The following PTPRT variants were observed in gnomAD, a reference collection of about 807,000 sequenced individuals.
The protein encoded by PTPRT is protein tyrosine phosphatase receptor type T.
Under a neutral mutation model 176.8 loss-of-function variants are expected in PTPRT, and 56 were observed. That is an observed-to-expected ratio of 0.32 (90% CI 0.26 to 0.40). The LOEUF (loss-of-function observed/expected upper bound fraction) is 0.40, where lower values mean the gene tolerates loss of function less well. PTPRT is among the 10% of genes least tolerant of loss of function. The probability of loss-of-function intolerance (pLI) is 1.00; values close to 1 mark genes in which losing one functional copy is unlikely to be tolerated. For synonymous variants in PTPRT, 783 were observed against 739.0 expected, an observed-to-expected ratio of 1.06 and a Z score of -0.96; for missense variants, 1,540 against 1,908.2, an observed-to-expected ratio of 0.81 and a Z score of 3.60.
chr20:42,418,142 G>A (rs919997778), intron 9 of PTPRT, among the ~76,000 whole-genome samples: 7 of 152,096 alleles, frequency 4.6e-5, no homozygotes, highest in African/African-American at 1.2e-4. Context: ...GAAAATGCAC[G>A]CTGTATTTCA....
In PTPRT at chr20:42,073,655, T is replaced by C. The variant is rs1982510275; in HGVS notation, c.*7224A>G. ...GCAGCTGTTCCCTATGGTTTGCTGTTTGGTGATAACCAGCCTGGATCAGCC... is the reference window on the plus strand; with the variant it reads ...GCAGCTGTTCCCTATGGTTTGCTGTCTGGTGATAACCAGCCTGGATCAGCC... On this transcript the variant is annotated 3_prime_UTR_variant, in exon 31 of 31. Transcript: ENST00000373187. The C allele has an allele frequency of 8.9e-6, 2 of 225,456 alleles. No homozygotes were observed. Among genetic ancestry groups the C allele is most frequent in the Admixed American group, 5.7e-5 (1 of 17,478 alleles). 14.0% of individuals were successfully genotyped at this position (225,456 alleles called of 1,614,324 possible). A position where few individuals can be genotyped will look rare whatever the true frequency, so the allele number is the denominator to read the frequency against.
chr20:42,105,937 G>A (rs1469836796), intron 24 of PTPRT, among the ~76,000 whole-genome samples: 1 of 152,188 alleles, frequency 6.6e-6, no homozygotes, highest in African/African-American at 2.4e-5. Context: ...AGATGGGCTC[G>A]TTACAGGAAT....
intron 7 of PTPRT, among the ~76,000 whole-genome samples, chr20:42,673,513 T>A (rs1418981623): frequency 1.3e-5 from 2 of 152,146 alleles, no homozygotes; most frequent in Admixed American, 1.3e-4. Context: ...GGGTAACTTA[T>A]AAACAACAGA....
At chr20:42,922,041 T>G (rs901726217) in intron 1 of PTPRT, among the ~76,000 whole-genome samples, 3 of 152,156 alleles carry the variant, frequency 2.0e-5, no homozygotes, top group African/African-American at 7.2e-5. Flanking sequence ...GTTCAAGCAA[T>G]TCTTCTGTCT....
chr20:42,832,271 ACAC>A (rs1209424727), intron 2 of PTPRT, among the ~76,000 whole-genome samples: 5 of 152,344 alleles, frequency 3.3e-5, no homozygotes, highest in African/African-American at 9.6e-5. Context: ...AGAAAACCAA[ACAC>A]CACATGTTCT....
At chr20:42,796,590 C>A (rs1290422072) in intron 2 of PTPRT, among the ~76,000 whole-genome samples, 4 of 152,268 alleles carry the variant, frequency 2.6e-5, no homozygotes, top group African/African-American at 9.6e-5. Context: ...CCGAGCTGTA[C>A]AGCCACAGAA....
chr20:42,673,900 T>C (rs1397494622), intron 7 of PTPRT, among the ~76,000 whole-genome samples: 1 of 152,200 alleles, frequency 6.6e-6, no homozygotes, highest in Non-Finnish European at 1.5e-5. Context: ...TTTTCCTCCA[T>C]GAAGCATGCT....
intron 7 of PTPRT, among the ~76,000 whole-genome samples, chr20:42,638,574 T>A (rs557432311): frequency 6.6e-6 from 1 of 152,162 alleles, no homozygotes; most frequent in South Asian, 2.1e-4. Context: ...ACTAAATGAA[T>A]CCTGACTATG....
At chr20:42,568,869 A>T (rs2073093708) in intron 7 of PTPRT, among the ~76,000 whole-genome samples, 1 of 151,194 alleles carries the variant, frequency 6.6e-6, no homozygotes, top group South Asian at 2.1e-4. Flanking sequence ...CCAATATGGC[A>T]AAACCCTGTC....
chr20:42,533,301 G>A (rs2072418384), intron 7 of PTPRT, among the ~76,000 whole-genome samples: 1 of 152,170 alleles, frequency 6.6e-6, no homozygotes, highest in Non-Finnish European at 1.5e-5. Context: ...TCCTTTGCAG[G>A]ACTGGGTAAT....
rs577155184 is a variant in PTPRT, at chr20:42,245,045, C to T, written c.2312+3642G>A. On this transcript the variant is annotated intron_variant, in intron 14 of 30. Coordinates refer to ENST00000373187, the MANE Select transcript of PTPRT (RefSeq NM_007050.6). The stretch of plus-strand genomic sequence containing the variant: ...AGTGATGAAGGTCTTTCTCTTATGT[C>T]AGGACTTAACATGGTACTCATGAAA... Among the ~76,000 whole-genome samples, 29 of 152,226 alleles carry T rather than the reference C, an allele frequency of 1.9e-4. 2 individuals are homozygous for T. The South Asian group carries it at 5.8e-3, about 30-fold the overall frequency.
chr20:42,161,556 G>A lies in PTPRT; in HGVS notation c.2492-14C>T. 1 of 1,587,756 alleles carries A rather than the reference G, an allele frequency of 6.3e-7. No homozygotes were observed. The highest frequency in any genetic ancestry group is 1.2e-5 in the South Asian group (1 of 85,396). ...GGCTGCCATCTGCTTCGAAAAGAAGGAGGCAGAACAGATCATCACCTATAG... is the reference window on the plus strand; with the variant it reads ...GGCTGCCATCTGCTTCGAAAAGAAGAAGGCAGAACAGATCATCACCTATAG... On this transcript the variant is annotated splice_polypyrimidine_tract_variant and intron_variant, in intron 16 of 30. Transcript: ENST00000373187.
intron 6 of PTPRT, among the ~76,000 whole-genome samples, chr20:42,725,377 G>A (rs1000078515): frequency 6.6e-6 from 1 of 151,964 alleles, no homozygotes; most frequent in Non-Finnish European, 1.5e-5. Flanking sequence ...TTAATGACAG[G>A]CTCATTTCAT....
At chr20:42,993,452 ATG>A (rs1491170588) in intron 1 of PTPRT, among the ~76,000 whole-genome samples, 1 of 110,810 alleles carries the variant, frequency 9.0e-6, no homozygotes, top group African/African-American at 5.8e-5. Context: ...ATATATATAT[ATG>A]TATGTGTGTG....
intron 16 of PTPRT, among the ~76,000 whole-genome samples, chr20:42,165,183 T>C (rs965591713): frequency 6.6e-6 from 1 of 152,116 alleles, no homozygotes; most frequent in Non-Finnish European, 1.5e-5. Context: ...CCCACCCTTA[T>C]CCCCTGCCCC....
intron 13 of PTPRT, among the ~76,000 whole-genome samples, chr20:42,252,167 G>A (rs769171440): frequency 1.3e-4 from 20 of 152,302 alleles, no homozygotes; most frequent in Non-Finnish European, 2.4e-4. Context: ...ATCTTTGCAC[G>A]ATAGGGTGGA....
At chr20:42,761,003 A>G (rs978529138) in intron 5 of PTPRT, among the ~76,000 whole-genome samples, 1 of 152,240 alleles carries the variant, frequency 6.6e-6, no homozygotes, top group Non-Finnish European at 1.5e-5. Flanking sequence ...TAAGTCGAGC[A>G]TTGAAATAGT....
chr20:42,335,395 G>T (rs2058025724), intron 11 of PTPRT, among the ~76,000 whole-genome samples: 1 of 151,812 alleles, frequency 6.6e-6, no homozygotes, highest in African/African-American at 2.4e-5. Flanking sequence ...AGGTTCACTG[G>T]TTAGGTAAGC....
intron 7 of PTPRT, among the ~76,000 whole-genome samples, chr20:42,522,524 G>C (rs6130154): frequency 6.6e-6 from 1 of 151,814 alleles, no homozygotes; most frequent in Admixed American, 6.6e-5. Context: ...GCAGTGGTGC[G>C]AGTTCAGCTT....
Sources: gnomAD v4.1 joint callset for allele counts (sites outside exome capture counted in the v4.1 genomes callset) on GRCh38, gnomAD v4.1.1 for gene constraint, MANE v1.5 for transcripts, NCBI Gene and HGNC (gene_info 2026-07-23, HGNC 2026-07-21) for gene names.